The following CNTN5 variants were observed in gnomAD, a reference collection of about 807,000 sequenced individuals.
CNTN5 encodes contactin-5.
Under a neutral mutation model 129.1 loss-of-function variants are expected in CNTN5, and 77 were observed. The observed-to-expected ratio is 0.60, with a 90% CI of 0.50 to 0.72. The LOEUF is 0.72. Ranked by LOEUF, CNTN5 falls within the 30% of genes least tolerant of loss-of-function variation. CNTN5 has a pLI of 0.00. For synonymous variants in CNTN5, 509 were observed against 465.6 expected (o/e 1.09, Z -1.20); for missense variants, 1,478 against 1,328.8 (o/e 1.11, Z -1.75).
At chr11:99,121,801 T>A (rs1374122647) in intron 1 of CNTN5, among the ~76,000 whole-genome samples, 13 of 152,220 alleles carry the variant, frequency 8.5e-5, no homozygotes, top group Non-Finnish European at 1.5e-5. Context: ...AGGGTCAGAT[T>A]CCTCTATTTA....
At chr11:100,033,878 G>C (rs567147203) in intron 9 of CNTN5, among the ~76,000 whole-genome samples, 11 of 152,140 alleles carry the variant, frequency 7.2e-5, no homozygotes, top group Admixed American at 3.3e-4. Flanking sequence ...TGAAAGTCTC[G>C]GACAAAAGAT....
intron 3 of CNTN5, among the ~76,000 whole-genome samples, chr11:99,800,071 T>G (rs536213411): frequency 1.3e-5 from 2 of 152,218 alleles, no homozygotes; most frequent in African/African-American, 4.8e-5. Context: ...TGTTTCTGTT[T>G]TTTTCTAACT....
intron 1 of CNTN5, among the ~76,000 whole-genome samples, chr11:99,146,112 C>T (rs1467430322): frequency 6.6e-6 from 1 of 151,976 alleles, no homozygotes; most frequent in Non-Finnish European, 1.5e-5. Context: ...ATCAACCAAG[C>T]TAATTAAACC....
At chr11:99,111,874 A>G (rs1171363572) in intron 1 of CNTN5, among the ~76,000 whole-genome samples, 1 of 152,042 alleles carries the variant, frequency 6.6e-6, no homozygotes, top group Admixed American at 6.6e-5. Flanking sequence ...TTGAATTAGC[A>G]TGACCCTAGT....
rs569588424 is a variant in CNTN5, at chr11:99,556,286, A to G, written c.55+17A>G. On this transcript the variant is annotated intron_variant, in intron 3 of 24. Transcript: ENST00000524871. ...GTCTTTCAGGTAAAAGTCCTGATTA[A>G]TTAATTATTTGATTTTCTAAGTATC... 6.7e-7 allele frequency: 1 copy of G among 1,483,726 alleles called. No individual in the cohort carries two copies. Among genetic ancestry groups the G allele is most frequent in the Admixed American group, 2.1e-5 (1 of 47,354 alleles). 91.9% of individuals were successfully genotyped at this position (1,483,726 alleles called of 1,614,324 possible). A position where few individuals can be genotyped will look rare whatever the true frequency, so the allele number is the denominator to read the frequency against.
At chr11:99,506,724 T>C (rs1946636041) in intron 2 of CNTN5, among the ~76,000 whole-genome samples, 1 of 152,220 alleles carries the variant, frequency 6.6e-6, no homozygotes, top group South Asian at 2.1e-4. Context: ...AATACTGTTT[T>C]AATTGTTATT....
At position 99,965,316 on chromosome 11, in the gene CNTN5, A is replaced by C. The variant is rs139109640; in HGVS notation, c.877+8307A>C. Among the ~76,000 whole-genome samples the C allele has an allele frequency of 6.3e-3, 954 of 151,830 alleles. 27 individuals carry two copies. Among genetic ancestry groups the C allele is most frequent in the Admixed American group, 0.038 (580 of 15,260 alleles). ...GTCATTTAGTGCTATAAATTTCCCT[A>C]TACACACTGCTTTGAATATGTCCCA... On this transcript the variant is annotated intron_variant, in intron 8 of 24. Transcript: ENST00000524871.
chr11:99,803,010 G>A lies in CNTN5; in HGVS notation c.56-16534G>A, dbSNP rs557846366. Among the ~76,000 whole-genome samples the A allele has an allele frequency of 3.6e-4, 55 of 152,082 alleles. No individual in the cohort carries two copies. In the South Asian group the frequency reaches 0.011, roughly 31 times the overall value. ...CTGCTGCACCACAGTCTGTGTTCAGGAAGGGTGTGGAGGCTCAAGCTGGTG... is the reference window on the plus strand; with the variant it reads ...CTGCTGCACCACAGTCTGTGTTCAGAAAGGGTGTGGAGGCTCAAGCTGGTG... On this transcript the variant is annotated intron_variant, in intron 3 of 24. Transcript: ENST00000524871.
chr11:99,972,227 C>T (rs1951282544), intron 8 of CNTN5, among the ~76,000 whole-genome samples: 1 of 151,888 alleles, frequency 6.6e-6, no homozygotes, highest in Admixed American at 6.6e-5. Context: ...CGCCACTGCA[C>T]TCCAGCCTGG....
At chr11:99,249,246 C>G (rs901087427) in intron 1 of CNTN5, among the ~76,000 whole-genome samples, 6 of 152,058 alleles carry the variant, frequency 3.9e-5, no homozygotes, top group Admixed American at 2.0e-4. Context: ...TGGGAGTTCA[C>G]TCATGATTTG....
chr11:100,278,338 T>C (rs981666303), intron 18 of CNTN5, among the ~76,000 whole-genome samples: 7 of 152,124 alleles, frequency 4.6e-5, no homozygotes, highest in Admixed American at 2.0e-4. Flanking sequence ...TTTTTTCTAT[T>C]TCTGTGAAGA....
chr11:99,105,798 G>C (rs1210643565), intron 1 of CNTN5, among the ~76,000 whole-genome samples: 1 of 152,130 alleles, frequency 6.6e-6, no homozygotes, highest in Non-Finnish European at 1.5e-5. Context: ...GAATTAATAA[G>C]GAAACCCTAG....
At chr11:99,361,405 T>C (rs959691510) in intron 2 of CNTN5, among the ~76,000 whole-genome samples, 8 of 152,212 alleles carry the variant, frequency 5.3e-5, no homozygotes, top group African/African-American at 1.9e-4. Flanking sequence ...TATCTGGGAC[T>C]AATATTGTAT....
intron 4 of CNTN5, among the ~76,000 whole-genome samples, chr11:99,839,238 T>C (rs1168725512): frequency 1.3e-5 from 2 of 152,062 alleles, no homozygotes; most frequent in African/African-American, 4.8e-5. Flanking sequence ...TCAAGACAAA[T>C]ATCAGTTTAC....
chr11:99,705,592 C>G (rs927239371), intron 3 of CNTN5, among the ~76,000 whole-genome samples: 2 of 151,226 alleles, frequency 1.3e-5, no homozygotes, highest in Non-Finnish European at 3.0e-5. Context: ...TTTGCTTGTT[C>G]TAGAGCAACT....
chr11:100,197,858 T>C (rs1948685737), intron 15 of CNTN5, among the ~76,000 whole-genome samples: 1 of 151,938 alleles, frequency 6.6e-6, no homozygotes, highest in Non-Finnish European at 1.5e-5. Context: ...ATTGTGAACT[T>C]GATAAATTGC....
intron 13 of CNTN5, among the ~76,000 whole-genome samples, chr11:100,148,378 A>G (rs985178319): frequency 6.6e-6 from 1 of 152,218 alleles, no homozygotes; most frequent in African/African-American, 2.4e-5. Context: ...AAAAGTTTGT[A>G]TATTTTAACT....
intron 18 of CNTN5, among the ~76,000 whole-genome samples, chr11:100,276,217 G>A (rs1193724469): frequency 6.6e-6 from 1 of 151,950 alleles, no homozygotes; most frequent in Non-Finnish European, 1.5e-5. Context: ...CAATTTTTCT[G>A]AAGAGTATAT....
intron 13 of CNTN5, among the ~76,000 whole-genome samples, chr11:100,092,113 C>T (rs1015461969): frequency 6.6e-6 from 1 of 151,980 alleles, no homozygotes; most frequent in African/African-American, 2.4e-5. Context: ...GTTAAAATAG[C>T]ATGGAAATTG....
Sources: allele counts gnomAD v4.1 joint callset (sites outside exome capture counted in the v4.1 genomes callset), GRCh38; gene constraint gnomAD v4.1.1; transcripts MANE v1.5; gene names NCBI Gene and HGNC (gene_info 2026-07-23, HGNC 2026-07-21).